The following EMP2 variants were observed in gnomAD, a reference collection of about 807,000 sequenced individuals.
EMP2 encodes the protein epithelial membrane protein 2.
EMP2 carries 19 observed loss-of-function variants against 13.7 expected under a neutral mutation model. The ratio of observed to expected loss-of-function variants is 1.38; its 90% CI spans 0.97 to 2.03. The LOEUF is 2.03. Ranked by LOEUF, EMP2 falls within the 30% of genes most tolerant of loss-of-function variation. EMP2 has a pLI of 0.00. For missense variants in EMP2, 253 were observed against 220.7 expected, an observed-to-expected ratio of 1.15 and a Z score of -0.93; for synonymous variants, 97 against 84.7, an observed-to-expected ratio of 1.15 and a Z score of -0.80.
chr16:10,528,648 G>T lies in EMP2; in HGVS notation c.*4257C>A, dbSNP rs1405584292. On this transcript the variant is annotated 3_prime_UTR_variant, in exon 5 of 5. Coordinates refer to ENST00000359543, the MANE Select transcript of EMP2 (RefSeq NM_001424.6). The stretch of plus-strand genomic sequence containing the variant: ...AACATAGAAAATGGACTATTTTAAA[G>T]GTACATTAAGTAGAAAGTTTCTAAC... 6.6e-6 allele frequency: 1 copy of T among 152,104 alleles called. No individual in the cohort carries two copies. The highest frequency in any genetic ancestry group is 2.1e-4 in the South Asian group (1 of 4,824). 9.4% of individuals were successfully genotyped at this position (152,104 alleles called of 1,614,324 possible). A position where few individuals can be genotyped will look rare whatever the true frequency, so the allele number is the denominator to read the frequency against.
intron 1 of EMP2, among the ~76,000 whole-genome samples, chr16:10,556,681 G>A (rs1395659998): frequency 6.6e-6 from 1 of 152,214 alleles, no homozygotes; most frequent in Non-Finnish European, 1.5e-5. Flanking sequence ...AGCACATGCT[G>A]CACAGGATTT....
At chr16:10,543,457 G>C in intron 3 of EMP2, 113 bp downstream of exon 3, 1 of 1,213,388 alleles carries the variant, frequency 8.2e-7, no homozygotes, top group Non-Finnish European at 1.2e-6. Flanking sequence ...AGGCCCACCG[G>C]AGTATGCAGT....
At chr16:10,534,816 G>C (rs1274120287) in intron 4 of EMP2, among the ~76,000 whole-genome samples, 1 of 152,218 alleles carries the variant, frequency 6.6e-6, no homozygotes, top group African/African-American at 2.4e-5. Context: ...AGACATTAGA[G>C]CTAAGATGAG....
chr16:10,554,019 T>C (rs1461822512), intron 1 of EMP2, among the ~76,000 whole-genome samples: 2 of 146,470 alleles, frequency 1.4e-5, no homozygotes, highest in African/African-American at 5.1e-5. Context: ...TATCAAAACC[T>C]TTTTTTTCTT....
chr16:10,560,851 C>A (rs1309339062), intron 1 of EMP2, among the ~76,000 whole-genome samples: 1 of 152,146 alleles, frequency 6.6e-6, no homozygotes, highest in Non-Finnish European at 1.5e-5. Context: ...CCGGGCTGGG[C>A]CCCAAGATGG....
chr16:10,557,141 G>A (rs947968609), intron 1 of EMP2, among the ~76,000 whole-genome samples: 8 of 152,178 alleles, frequency 5.3e-5, no homozygotes, highest in African/African-American at 1.9e-4. Context: ...CAGATCGCTT[G>A]AGGCCAGGAG....
intron 4 of EMP2, among the ~76,000 whole-genome samples, chr16:10,537,630 C>G: frequency 6.6e-6 from 1 of 152,256 alleles, no homozygotes; most frequent in Middle Eastern, 3.4e-3. Flanking sequence ...AGACACAACA[C>G]TGTCGACAGC....
At chr16:10,558,523 G>T (rs990953088) in intron 1 of EMP2, among the ~76,000 whole-genome samples, 9 of 151,858 alleles carry the variant, frequency 5.9e-5, no homozygotes, top group African/African-American at 2.2e-4. Flanking sequence ...TCTAGCTCTG[G>T]GTGTGGAGAA....
rs2050617757 is a variant in EMP2, at chr16:10,532,871, T to C, written c.*34A>G. 7.3e-7 allele frequency: 1 copy of C among 1,369,582 alleles called. No homozygotes were observed. Among genetic ancestry groups the C allele is most frequent in the Non-Finnish European group, 9.5e-7 (1 of 1,050,260 alleles). The allele number at this position is 1,369,582 out of a possible 1,614,324, so 84.8% of individuals were successfully genotyped here. On this transcript the variant is annotated 3_prime_UTR_variant, in exon 5 of 5. Transcript: ENST00000359543. ...AAAATGGTTATCTGAATGTGGATTC[T>C]GTACTGCAGCAGAAGCAACCCAGCT...
chr16:10,574,982 C>G (rs1012232625), intron 1 of EMP2, among the ~76,000 whole-genome samples: 1 of 151,014 alleles, frequency 6.6e-6, no homozygotes, highest in African/African-American at 2.4e-5. Context: ...AAGCCCTGGG[C>G]TCAAGCAATC....
intron 3 of EMP2, among the ~76,000 whole-genome samples, chr16:10,540,507 A>AAAATAATAAATAAAT (rs1555458899): frequency 7.5e-5 from 11 of 147,308 alleles, no homozygotes; most frequent in Non-Finnish European, 1.5e-4. Flanking sequence ...CTCTGTCTCA[A>AAAATAATAAATAAAT]AAATAAATAA....
intron 1 of EMP2, among the ~76,000 whole-genome samples, chr16:10,571,038 C>A (rs985491584): frequency 4.0e-5 from 6 of 151,458 alleles, no homozygotes; most frequent in African/African-American, 1.5e-4. Flanking sequence ...GCGGGTGGAT[C>A]ATGAGGTCAA....
intron 1 of EMP2, among the ~76,000 whole-genome samples, chr16:10,563,376 G>C (rs2050885904): frequency 6.6e-6 from 1 of 152,154 alleles, no homozygotes; most frequent in South Asian, 2.1e-4. Flanking sequence ...ATTTTCAGTA[G>C]AGATGGGGTT....
intron 3 of EMP2, among the ~76,000 whole-genome samples, chr16:10,540,957 A>G (rs548566002): frequency 4.6e-5 from 7 of 152,136 alleles, no homozygotes; most frequent in Admixed American, 1.3e-4. Context: ...GTGTGGTGGC[A>G]CACACCCATA....
intron 1 of EMP2, among the ~76,000 whole-genome samples, chr16:10,562,356 C>G (rs1435486033): frequency 6.7e-6 from 1 of 149,836 alleles, no homozygotes; most frequent in Admixed American, 6.6e-5. Flanking sequence ...CTCTCTCTCT[C>G]TCTCTCTCTC....
At chr16:10,578,149 G>A (rs182299879) in intron 1 of EMP2, 23 of 152,252 alleles carry the variant, frequency 1.5e-4, no homozygotes, top group African/African-American at 5.5e-4. Context: ...ACAAAGAAGT[G>A]GCCTTTGCTG....
chr16:10,558,180 C>T (rs973115370), intron 1 of EMP2, among the ~76,000 whole-genome samples: 4 of 152,102 alleles, frequency 2.6e-5, no homozygotes, highest in African/African-American at 7.2e-5. Context: ...CAGCTGTGCA[C>T]CACCATGCCC....
chr16:10,558,933 C>G (rs2050852524), intron 1 of EMP2: 1 of 152,324 alleles, frequency 6.6e-6, no homozygotes, highest in Non-Finnish European at 1.5e-5. Context: ...TGAGTTGGAG[C>G]CTTTTCCCGG....
At chr16:10,541,788 G>A (rs1397381637) in intron 3 of EMP2, among the ~76,000 whole-genome samples, 1 of 152,138 alleles carries the variant, frequency 6.6e-6, no homozygotes, top group Non-Finnish European at 1.5e-5. Flanking sequence ...TTCGCTCCTG[G>A]CTATGCGGCC....
Sources: allele counts gnomAD v4.1 joint callset (sites outside exome capture counted in the v4.1 genomes callset), GRCh38; gene constraint gnomAD v4.1.1; transcripts MANE v1.5; gene names NCBI Gene and HGNC (gene_info 2026-07-23, HGNC 2026-07-21).